ZNF704: variants seen among roughly 807,000 people sequenced by gnomAD.
ZNF704 encodes the protein glucocorticoid induced gene 1.
A neutral mutation model predicts 44.7 loss-of-function variants in ZNF704; 10 were observed. That is an observed-to-expected ratio of 0.22 (90% CI 0.14 to 0.38). The LOEUF (loss-of-function observed/expected upper bound fraction) is 0.38, where lower values mean the gene tolerates loss of function less well. Among genes scored for constraint, ZNF704 ranks in the 10% least tolerant of loss-of-function variants. ZNF704 has a pLI of 1.00. For synonymous variants in ZNF704, 211 were observed against 207.6 expected, an observed-to-expected ratio of 1.02 and a Z score of -0.14; for missense variants, 390 against 545.5, an observed-to-expected ratio of 0.71 and a Z score of 2.84.
chr8:80,830,989 C>T (rs753152266), intron 1 of ZNF704, among the ~76,000 whole-genome samples: 2 of 151,892 alleles, frequency 1.3e-5, no homozygotes, highest in African/African-American at 2.4e-5. Context: ...CTCCTGACCT[C>T]GTGATCTGCC....
At chr8:80,822,118 T>G (rs1266544256) in intron 1 of ZNF704, among the ~76,000 whole-genome samples, 2 of 152,160 alleles carry the variant, frequency 1.3e-5, no homozygotes, top group Admixed American at 6.5e-5. Flanking sequence ...TTTTATTAAT[T>G]TATTTTAATT....
At chr8:80,882,759 T>C in the ZNF704 span, among the ~76,000 whole-genome samples, 1 of 152,194 alleles carries the variant, frequency 6.6e-6, no homozygotes, top group Non-Finnish European at 1.5e-5. Context: ...ACGACTACTA[T>C]TTTTTTACTT....
intron 5 of ZNF704, among the ~76,000 whole-genome samples, chr8:80,668,752 A>T (rs1401644362): frequency 6.6e-5 from 10 of 152,174 alleles, no homozygotes; most frequent in Admixed American, 5.9e-4. Flanking sequence ...TCTGGCTTTG[A>T]CACGTTTCCC....
At chr8:80,715,740 T>C (rs558573272) in intron 2 of ZNF704, among the ~76,000 whole-genome samples, 2 of 152,170 alleles carry the variant, frequency 1.3e-5, no homozygotes, top group Non-Finnish European at 2.9e-5. Context: ...GGCACTGATA[T>C]TTTGAAAACT....
intron 5 of ZNF704, among the ~76,000 whole-genome samples, chr8:80,668,144 GATA>G (rs1818224224): frequency 6.6e-6 from 1 of 152,204 alleles, no homozygotes; most frequent in African/African-American, 2.4e-5. Flanking sequence ...ATGTTTATTA[GATA>G]ATTTGTGAGT....
chr8:80,635,257 T>C lies in ZNF704; in HGVS notation c.*6109A>G, dbSNP rs1281270176. ...TTTTGGCAAAGCTCTGAATTATTTG[T>C]ACAGTTTTAATAAACTCTTCACAAC... is the stretch of plus-strand genomic sequence containing the variant. On this transcript the variant is annotated 3_prime_UTR_variant, in exon 9 of 9. Coordinates refer to ENST00000327835, the MANE Select transcript of ZNF704 (RefSeq NM_001033723.3). 6.6e-6 allele frequency: 1 copy of C among 152,260 alleles called. No homozygotes were observed. Among genetic ancestry groups the C allele is most frequent in the Non-Finnish European group, 1.5e-5 (1 of 68,054 alleles). 9.4% of individuals were successfully genotyped at this position (152,260 alleles called of 1,614,324 possible). A position where few individuals can be genotyped will look rare whatever the true frequency, so the allele number is the denominator to read the frequency against.
intron 2 of ZNF704, among the ~76,000 whole-genome samples, chr8:80,757,267 C>T (rs751158710): frequency 1.1e-4 from 17 of 152,028 alleles, no homozygotes; most frequent in Non-Finnish European, 2.4e-4. Context: ...ATTGATAATC[C>T]TGACCTTGTA....
In ZNF704 at chr8:80,839,423, C is replaced by T. The variant is rs531784009; in HGVS notation, c.-21-17808G>A. Among the ~76,000 whole-genome samples, 233 of 152,334 alleles carry T rather than the reference C, an allele frequency of 1.5e-3. 1 individual carries two copies. The highest frequency in any genetic ancestry group is 5.5e-3 in the African/African-American group (230 of 41,572). On this transcript the variant is annotated intron_variant, in intron 1 of 8. Transcript: ENST00000327835. ...CTCAAGTTGAAAACTAATGAACTCA[C>T]ATTTTAACTTGTATTGTGCTAATTC...
At position 80,842,459 on chromosome 8, in the gene ZNF704, T is replaced by C. The variant is rs566012284; in HGVS notation, c.-21-20844A>G. Among the ~76,000 whole-genome samples the C allele has an allele frequency of 4.6e-5, 7 of 152,296 alleles. No individual in the cohort carries two copies. In the South Asian group the frequency reaches 1.5e-3, roughly 32 times the overall value. ...AATGAAGCATTCTAGCAATCTGACA[T>C]GGGCCCCCTGTGTAAAAGGGATCGC... On this transcript the variant is annotated intron_variant, in intron 1 of 8. Coordinates refer to ENST00000327835, the MANE Select transcript of ZNF704 (RefSeq NM_001033723.3).
chr8:80,856,830 T>C (rs530077399), intron 1 of ZNF704, among the ~76,000 whole-genome samples: 3 of 152,332 alleles, frequency 2.0e-5, no homozygotes, highest in East Asian at 1.9e-4. Flanking sequence ...GTTTAGATTA[T>C]TGTAGTTATT....
At chr8:80,771,240 T>C (rs1241926753) in intron 2 of ZNF704, among the ~76,000 whole-genome samples, 1 of 152,196 alleles carries the variant, frequency 6.6e-6, no homozygotes, top group South Asian at 2.1e-4. Context: ...ATCTACAAAA[T>C]ATCTTGTTAG....
In ZNF704 at chr8:80,673,067, A is replaced by C. The variant is rs577007183; in HGVS notation, c.559-2464T>G. ...AATGATATTTCATGATATCTACTAA[A>C]ATTGTAATGTGATATGAAACATCTA... On this transcript the variant is annotated intron_variant, in intron 4 of 8. Transcript: ENST00000327835. Among the ~76,000 whole-genome samples, 3 of 152,360 alleles carry C rather than the reference A, an allele frequency of 2.0e-5. No homozygotes were observed. In the South Asian group the frequency reaches 6.2e-4, roughly 32 times the overall value.
At chr8:80,800,261 G>A (rs1031536754) in intron 2 of ZNF704, among the ~76,000 whole-genome samples, 1 of 152,172 alleles carries the variant, frequency 6.6e-6, no homozygotes, top group African/African-American at 2.4e-5. Flanking sequence ...ATATCATCCA[G>A]GAGAACTTGC....
chr8:80,641,366 T>C lies in ZNF704; in HGVS notation c.1239A>G (p.Ter413TrpextTer11). The C allele has an allele frequency of 6.2e-7, 1 of 1,609,664 alleles. No homozygotes were observed. Among genetic ancestry groups the C allele is most frequent in the Non-Finnish European group, 8.5e-7 (1 of 1,177,374 alleles). Residue 413 changes from the stop codon to tryptophan, a stop_lost, in exon 9 of 9, where the codon TGA becomes TGG. Coordinates refer to ENST00000327835, the MANE Select transcript of ZNF704 (RefSeq NM_001033723.3). ...CTGAGCCCCTCTGCCTGGGGGTCTC[T>C]CAGTCGAGGAACCTCTGGCAGGCCT... The part of the protein sequence containing the change: ...WKKACQRFLD[*>W]
upstream of ZNF704, among the ~76,000 whole-genome samples, chr8:80,878,894 A>G (rs1369116138): frequency 6.6e-6 from 1 of 152,066 alleles, no homozygotes; most frequent in East Asian, 1.9e-4. Context: ...CATATTTACT[A>G]TTTCAGTAGG....
intron 1 of ZNF704, among the ~76,000 whole-genome samples, chr8:80,872,888 A>G (rs1432296130): frequency 1.3e-5 from 2 of 151,938 alleles, no homozygotes; most frequent in East Asian, 1.9e-4. Flanking sequence ...AGGGAAAAAA[A>G]CCTCAAACGC....
At chr8:80,646,140 C>T (rs2131592310) in intron 7 of ZNF704, among the ~76,000 whole-genome samples, 1 of 152,326 alleles carries the variant, frequency 6.6e-6, no homozygotes, top group South Asian at 2.1e-4. Flanking sequence ...ATTACCCAGT[C>T]TAAGGTATTC....
chr8:80,704,052 A>T (rs1327599090), intron 2 of ZNF704, among the ~76,000 whole-genome samples: 2 of 152,172 alleles, frequency 1.3e-5, no homozygotes, highest in Non-Finnish European at 2.9e-5. Context: ...TATCTAAGCA[A>T]ATGGATTTTG....
intron 2 of ZNF704, among the ~76,000 whole-genome samples, chr8:80,816,194 T>A (rs1240337684): frequency 6.6e-6 from 1 of 152,198 alleles, no homozygotes; most frequent in Non-Finnish European, 1.5e-5. Context: ...TCTTCCTTTG[T>A]CGATTCTTGT....
Sources: allele counts gnomAD v4.1 joint callset (sites outside exome capture counted in the v4.1 genomes callset), GRCh38; gene constraint gnomAD v4.1.1; transcripts MANE v1.5; gene names NCBI Gene and HGNC (gene_info 2026-07-23, HGNC 2026-07-21).